The following PDE11A variants were observed in gnomAD, a reference collection of about 807,000 sequenced individuals.
PDE11A encodes the protein phosphodiesterase 11A, also known as dual 3',5'-cyclic-AMP and -GMP phosphodiesterase 11A.
In PDE11A, 100 loss-of-function variants were observed where a neutral mutation model predicts 100.5. That is an observed-to-expected ratio of 1.00 (90% confidence interval 0.85 to 1.18). The LOEUF (loss-of-function observed/expected upper bound fraction) is 1.18, where lower values mean the gene tolerates loss of function less well. Ranked by LOEUF, PDE11A falls within the 50% of genes most tolerant of loss-of-function variation. The pLI is 0.00. For missense variants in PDE11A, 1,141 were observed against 1,152.6 expected (o/e 0.99, Z 0.15); for synonymous variants, 381 against 420.8 (o/e 0.91, Z 1.16).
intron 6 of PDE11A, among the ~76,000 whole-genome samples, chr2:177,823,548 A>G (rs1017917883): frequency 2.0e-5 from 3 of 152,174 alleles, no homozygotes; most frequent in Admixed American, 2.0e-4. Context: ...ATCCTCTCTT[A>G]TCAGATGAGA....
chr2:178,016,432 C>T (rs894865048), intron 1 of PDE11A, among the ~76,000 whole-genome samples: 9 of 152,008 alleles, frequency 5.9e-5, no homozygotes, highest in Non-Finnish European at 1.3e-4. Flanking sequence ...AAGTATGTGA[C>T]CAAACTTTCA....
At chr2:177,919,161 G>A (rs2084999787) in intron 2 of PDE11A, among the ~76,000 whole-genome samples, 1 of 150,988 alleles carries the variant, frequency 6.6e-6, no homozygotes, top group Admixed American at 6.6e-5. Flanking sequence ...GCAGTGGCAT[G>A]ATCATGGCTC....
chr2:177,645,092 A>G (rs16865492), intron 19 of PDE11A, among the ~76,000 whole-genome samples: 29,714 of 152,224 alleles, frequency 0.2, 4,618 homozygotes, highest in African/African-American at 0.43. Flanking sequence ...GATAGTTGGA[A>G]CCAGAGTGGC....
intron 1 of PDE11A, among the ~76,000 whole-genome samples, chr2:178,105,984 A>C (rs1463832722): frequency 1.3e-5 from 2 of 152,228 alleles, no homozygotes; most frequent in Non-Finnish European, 1.5e-5. Flanking sequence ...GAACACAAAG[A>C]ATTACTACTA....
intron 2 of PDE11A, among the ~76,000 whole-genome samples, chr2:177,945,432 C>G (rs1449327888): frequency 5.8e-5 from 8 of 138,446 alleles, no homozygotes; most frequent in Admixed American, 4.9e-4. Context: ...TCTGCCCGGC[C>G]GCCCATCGTC....
At chr2:177,899,504 C>A in intron 3 of PDE11A, 2 of 299,680 alleles carry the variant, frequency 6.7e-6, no homozygotes, top group South Asian at 3.1e-5. Flanking sequence ...CAGAAACTTA[C>A]AAAGCAGCTT....
chr2:177,697,738 T>C (rs2081135034), intron 14 of PDE11A, among the ~76,000 whole-genome samples: 2 of 152,172 alleles, frequency 1.3e-5, no homozygotes, highest in Admixed American at 6.6e-5. Context: ...TGACTACCCA[T>C]TTCCTATGGA....
chr2:178,107,651 A>T (rs1245988578), intron 1 of PDE11A, among the ~76,000 whole-genome samples: 1 of 151,368 alleles, frequency 6.6e-6, no homozygotes, highest in East Asian at 1.9e-4. Context: ...ACGGTCACAG[A>T]TTGGTGAGCA....
chr2:177,727,603 C>A (rs377383201), intron 12 of PDE11A, 55 bp downstream of exon 12: 1 of 1,005,872 alleles, frequency 9.9e-7, no homozygotes, highest in South Asian at 1.3e-5. Flanking sequence ...AAGGAGAAGG[C>A]CTGCCAGTTC....
In PDE11A at chr2:177,992,219, C is replaced by A. The variant is rs571941237; in HGVS notation, c.1071+22083G>T. On this transcript the variant is annotated intron_variant, in intron 2 of 19. Coordinates refer to ENST00000286063, the MANE Select transcript of PDE11A (RefSeq NM_016953.4). The stretch of plus-strand genomic sequence containing the variant: ...CCCAGCATTATATCAAAATAATACA[C>A]TACCACCAAACAGGATTCATCTCAG... Among the ~76,000 whole-genome samples the A allele has an allele frequency of 6.8e-4, 103 of 151,406 alleles. 3 individuals are homozygous for A. Among genetic ancestry groups the A allele is most frequent in the African/African-American group, 2.4e-3 (100 of 41,248 alleles).
chr2:177,832,012 G>GT (rs1553479950), intron 6 of PDE11A, among the ~76,000 whole-genome samples: 13 of 152,172 alleles, frequency 8.5e-5, no homozygotes, highest in Non-Finnish European at 1.9e-4. Flanking sequence ...GGCAGGAGAG[G>GT]CCCCCCCTGA....
chr2:177,937,583 C>T (rs2085290935), intron 2 of PDE11A, among the ~76,000 whole-genome samples: 1 of 152,308 alleles, frequency 6.6e-6, no homozygotes, highest in South Asian at 2.1e-4. Context: ...TTTCAAAGTG[C>T]TGGAATTACA....
intron 15 of PDE11A, among the ~76,000 whole-genome samples, chr2:177,691,338 C>A (rs1263095271): frequency 6.6e-6 from 1 of 152,190 alleles, no homozygotes; most frequent in African/African-American, 2.4e-5. Flanking sequence ...CAGACTGGGT[C>A]CGAGTATCAC....
In PDE11A at chr2:177,859,006, A is replaced by C. The variant is rs35517342; in HGVS notation, c.1367+16853T>G. On this transcript the variant is annotated intron_variant, in intron 5 of 19. Transcript: ENST00000286063. Reference sequence around the variant, plus strand: ...CAAACTATCTCAAGAACAAAAAACCAAACACCGCATGTTCTCGCTCATAGG... The same window carrying C: ...CAAACTATCTCAAGAACAAAAAACCCAACACCGCATGTTCTCGCTCATAGG... Among the ~76,000 whole-genome samples the C allele has an allele frequency of 7.1e-3, 1,085 of 152,184 alleles. 3 individuals carry two copies. Among genetic ancestry groups the C allele is most frequent in the African/African-American group, 0.024 (1,010 of 41,514 alleles).
chr2:177,936,050 C>A (rs967782725), intron 2 of PDE11A, among the ~76,000 whole-genome samples: 1 of 152,196 alleles, frequency 6.6e-6, no homozygotes, highest in Non-Finnish European at 1.5e-5. Context: ...TCTAAGACAT[C>A]TATGTATTTA....
intron 2 of PDE11A, among the ~76,000 whole-genome samples, chr2:178,010,152 G>T (rs923053891): frequency 2.0e-5 from 3 of 152,186 alleles, no homozygotes; most frequent in African/African-American, 7.2e-5. Context: ...AGGCTAGAAA[G>T]ATGCAGCCAC....
chr2:177,969,260 C>A (rs1050404462), intron 2 of PDE11A, among the ~76,000 whole-genome samples: 5 of 151,918 alleles, frequency 3.3e-5, no homozygotes. Flanking sequence ...ACACACCGGT[C>A]CTGTCGGGGT....
intron 3 of PDE11A, among the ~76,000 whole-genome samples, chr2:177,900,645 C>T (rs977694651): frequency 6.6e-6 from 1 of 152,064 alleles, no homozygotes. Context: ...GTAGTCCCAG[C>T]TACTCAGGAG....
In PDE11A at chr2:177,748,225, C is replaced by T. The variant is rs527417023; in HGVS notation, c.1789-20053G>A. Among the ~76,000 whole-genome samples the T allele has an allele frequency of 2.0e-3, 308 of 152,270 alleles. 2 individuals are homozygous for T. Among genetic ancestry groups the T allele is most frequent in the African/African-American group, 7.2e-3 (299 of 41,556 alleles). ...TAAATAATTTATTTAAGACAGAATACTTTCAAAGTCAGAATTACCACTGAG... is the reference window on the plus strand; with the variant it reads ...TAAATAATTTATTTAAGACAGAATATTTTCAAAGTCAGAATTACCACTGAG... On this transcript the variant is annotated intron_variant, in intron 10 of 19. Transcript: ENST00000286063.
Sources: allele counts gnomAD v4.1 joint callset (sites outside exome capture counted in the v4.1 genomes callset), GRCh38; gene constraint gnomAD v4.1.1; transcripts MANE v1.5; gene names NCBI Gene and HGNC (gene_info 2026-07-23, HGNC 2026-07-21).